MINDY4: variants seen among roughly 807,000 people sequenced by gnomAD.
MINDY4 encodes the protein MINDY lysine 48 deubiquitinase 4, also known as probable ubiquitin carboxyl-terminal hydrolase MINDY-4.
MINDY4 carries 68 observed loss-of-function variants against 87.0 expected under a neutral mutation model. That is an observed-to-expected ratio of 0.78 (90% CI 0.64 to 0.96). The LOEUF (loss-of-function observed/expected upper bound fraction) is 0.96, where lower values mean the gene tolerates loss of function less well. MINDY4 is among the 40% of genes least tolerant of loss of function. The probability of loss-of-function intolerance (pLI) is 0.00; values close to 1 mark genes in which losing one functional copy is unlikely to be tolerated. For missense variants in MINDY4, 919 were observed against 928.2 expected, an observed-to-expected ratio of 0.99 and a Z score of 0.13; for synonymous variants, 379 against 363.2, an observed-to-expected ratio of 1.04 and a Z score of -0.50.
chr7:30,771,535 C>T lies in MINDY4; in HGVS notation c.42C>T (p.Val14=). 2 of 1,603,176 alleles carry T rather than the reference C, an allele frequency of 1.2e-6. No individual in the cohort carries two copies. The highest frequency in any genetic ancestry group is 1.7e-6 in the Non-Finnish European group (2 of 1,176,002). Residue 14 remains valine (V), a synonymous_variant, in exon 1 of 18, where the codon GTC becomes GTT. Transcript: ENST00000265299. ...LFVEEVAASL[V]REFLSRKGLK... ...TGGAGGAGGTGGCCGCCTCCTTGGTCAGGGAGTTCCTCAGCAGAAAGGTAA... is the reference window on the plus strand; with the variant it reads ...TGGAGGAGGTGGCCGCCTCCTTGGTTAGGGAGTTCCTCAGCAGAAAGGTAA...
At chr7:30,850,642 G>A (rs1450104136) in intron 10 of MINDY4, 87 bp downstream of exon 10, 1 of 1,220,004 alleles carries the variant, frequency 8.2e-7, no homozygotes, top group Admixed American at 2.0e-5. Flanking sequence ...CTATCCTTGG[G>A]TCCTTCCGTT....
At chr7:30,874,283 A>G (rs1267042970) in intron 14 of MINDY4, among the ~76,000 whole-genome samples, 1 of 152,230 alleles carries the variant, frequency 6.6e-6, no homozygotes, top group Admixed American at 6.5e-5. Flanking sequence ...TTCATCTTGA[A>G]TCTGTGCCCA....
At chr7:30,887,802 A>G (rs1339081969) in intron 17 of MINDY4, among the ~76,000 whole-genome samples, 1 of 152,208 alleles carries the variant, frequency 6.6e-6, no homozygotes, top group Non-Finnish European at 1.5e-5. Flanking sequence ...GCAGTCAGAG[A>G]ACACTTCTGC....
At chr7:30,860,962 T>C (rs1789742261) in intron 13 of MINDY4, among the ~76,000 whole-genome samples, 1 of 151,990 alleles carries the variant, frequency 6.6e-6, no homozygotes, top group Admixed American at 6.6e-5. Context: ...CAAACATGGA[T>C]ACACACAGAT....
At chr7:30,825,649 C>T (rs572737136) in intron 5 of MINDY4, among the ~76,000 whole-genome samples, 8 of 152,296 alleles carry the variant, frequency 5.3e-5, no homozygotes, top group South Asian at 2.1e-4. Context: ...AGTTGTGTGA[C>T]CTTGTGTAAG....
At chr7:30,877,000 C>T (rs1191364498) in intron 15 of MINDY4, among the ~76,000 whole-genome samples, 3 of 152,130 alleles carry the variant, frequency 2.0e-5, no homozygotes, top group African/African-American at 7.2e-5. Context: ...CCATGTGGTG[C>T]AGCCCCCTCC....
chr7:30,813,242 G>A lies in MINDY4; in HGVS notation c.1074-15437G>A, dbSNP rs79314646. 2.4e-3 allele frequency among the ~76,000 whole-genome samples: 365 copies of A among 152,330 alleles called. 3 individuals are homozygous for A. Among genetic ancestry groups the A allele is most frequent in the African/African-American group, 8.3e-3 (347 of 41,574 alleles). On this transcript the variant is annotated intron_variant, in intron 5 of 17. Transcript: ENST00000265299. Reference sequence around the variant, plus strand: ...ATTCATCGTCAGGAGAAAAGGGATTGTGCTGCTTCGATTTTTTCTTTTCTA... The same window carrying A: ...ATTCATCGTCAGGAGAAAAGGGATTATGCTGCTTCGATTTTTTCTTTTCTA...
At chr7:30,851,036 A>G (rs987734163) in intron 10 of MINDY4, among the ~76,000 whole-genome samples, 3 of 152,210 alleles carry the variant, frequency 2.0e-5, no homozygotes, top group African/African-American at 7.2e-5. Context: ...GGTGGAGCCC[A>G]GGCCCTGGAC....
At chr7:30,815,352 G>T (rs1173592472) in intron 5 of MINDY4, among the ~76,000 whole-genome samples, 3 of 152,206 alleles carry the variant, frequency 2.0e-5, no homozygotes, top group Admixed American at 1.3e-4. Context: ...GGGGAGGGAG[G>T]CTGGGCTGCC....
At chr7:30,819,558 G>T (rs1336330730) in intron 5 of MINDY4, among the ~76,000 whole-genome samples, 1 of 152,076 alleles carries the variant, frequency 6.6e-6, no homozygotes, top group African/African-American at 2.4e-5. Flanking sequence ...TGATCTGTTA[G>T]TTGCTGGGAG....
At chr7:30,810,091 G>A (rs990769167) in intron 5 of MINDY4, among the ~76,000 whole-genome samples, 5 of 144,276 alleles carry the variant, frequency 3.5e-5, no homozygotes, top group African/African-American at 7.8e-5. Flanking sequence ...CAGGAGAATC[G>A]CTTGAACCTG....
Position 30,882,937 on chromosome 7 carries a change from C to A in MINDY4, c.2169C>A (p.Ile723=), listed in dbSNP as rs775680867. ...CCTTCCCAGACACCACCCAAACCAT[C>A]TCTGAGGACACAGACAACGACCTTG... ...IRLTIDTTQT[I]SEDTDNDLVP... The change falls in exon 17 of 18, where the codon ATC becomes ATA. Residue 723 remains isoleucine (I), a synonymous_variant. Coordinates refer to ENST00000265299, the MANE Select transcript of MINDY4 (RefSeq NM_032222.3). 6.1e-5 allele frequency: 99 copies of A among 1,613,952 alleles called. No homozygotes were observed. Among genetic ancestry groups the A allele is most frequent in the Non-Finnish European group, 7.7e-5 (91 of 1,179,988 alleles).
chr7:30,797,340 TA>T (rs1480100598), intron 5 of MINDY4, among the ~76,000 whole-genome samples: 2 of 152,048 alleles, frequency 1.3e-5, no homozygotes, highest in Non-Finnish European at 2.9e-5. Flanking sequence ...TTACAAGTGC[TA>T]AGGGGAAAAA....
chr7:30,879,587 G>A (rs897494481), intron 15 of MINDY4, among the ~76,000 whole-genome samples: 2 of 152,100 alleles, frequency 1.3e-5, no homozygotes, highest in Admixed American at 6.5e-5. Context: ...GGCTTCTCTC[G>A]GGCTCTCTCC....
At chr7:30,837,013 C>T (rs905962126) in intron 7 of MINDY4, among the ~76,000 whole-genome samples, 1 of 152,072 alleles carries the variant, frequency 6.6e-6, no homozygotes, top group African/African-American at 2.4e-5. Flanking sequence ...CCTCCAAATA[C>T]CGTGGGAATA....
chr7:30,801,375 C>T (rs1342316214), intron 5 of MINDY4, among the ~76,000 whole-genome samples: 1 of 152,152 alleles, frequency 6.6e-6, no homozygotes, highest in African/African-American at 2.4e-5. Context: ...GCCGGTCATC[C>T]TGTGTGGATA....
intron 6 of MINDY4, among the ~76,000 whole-genome samples, chr7:30,834,510 C>T (rs1416668133): frequency 3.9e-5 from 6 of 152,202 alleles, no homozygotes; most frequent in South Asian, 2.1e-4. Flanking sequence ...GATGGGAGGG[C>T]GTGCCATGAA....
chr7:30,807,017 G>A (rs962715660), intron 5 of MINDY4, among the ~76,000 whole-genome samples: 4 of 152,178 alleles, frequency 2.6e-5, no homozygotes, highest in Admixed American at 1.3e-4. Context: ...TGCTTCCTTT[G>A]GTCCCAGTGT....
At chr7:30,869,957 A>C (rs1033850772) in intron 13 of MINDY4, among the ~76,000 whole-genome samples, 1 of 152,200 alleles carries the variant, frequency 6.6e-6, no homozygotes, top group Non-Finnish European at 1.5e-5. Flanking sequence ...GAATTCCCCT[A>C]TTCCCCTAGA....
Sources: gnomAD v4.1 joint callset for allele counts (sites outside exome capture counted in the v4.1 genomes callset) on GRCh38, gnomAD v4.1.1 for gene constraint, MANE v1.5 for transcripts, NCBI Gene and HGNC (gene_info 2026-07-23, HGNC 2026-07-21) for gene names.